Variants in TNFSF4 observed in about 807,000 individuals in gnomAD.
TNFSF4 encodes the protein tumor necrosis factor ligand superfamily member 4.
In TNFSF4, 4 loss-of-function variants were observed where a neutral mutation model predicts 7.3. That is an observed-to-expected ratio of 0.55 (90% CI 0.27 to 1.25). The LOEUF (loss-of-function observed/expected upper bound fraction) is 1.25. Ranked by LOEUF, TNFSF4 falls within the 50% of genes most tolerant of loss-of-function variation. The pLI is 0.12. For synonymous variants in TNFSF4, 76 were observed against 83.7 expected (o/e 0.91, Z 0.50); for missense variants, 181 against 208.8 (o/e 0.87, Z 0.82).
the TNFSF4 span, among the ~76,000 whole-genome samples, chr1:173,282,887 T>A: frequency 1.3e-5 from 2 of 152,220 alleles, no homozygotes; most frequent in Non-Finnish European, 2.9e-5. Flanking sequence ...TTATATGTTA[T>A]ATACAGAGAC....
At chr1:173,417,925 T>G in the TNFSF4 span, 1 of 60,420 alleles carries the variant, frequency 1.7e-5, no homozygotes, top group African/African-American at 5.0e-5. Context: ...AGGGAAGCAC[T>G]TTTTTTTTCT....
the TNFSF4 span, among the ~76,000 whole-genome samples, chr1:173,369,416 C>A: frequency 6.6e-6 from 1 of 152,158 alleles, no homozygotes; most frequent in Non-Finnish European, 1.5e-5. Flanking sequence ...TCGGTAAGGG[C>A]CACTGAATCT....
At chr1:173,312,807 C>T in the TNFSF4 span, among the ~76,000 whole-genome samples, 2 of 152,036 alleles carry the variant, frequency 1.3e-5, no homozygotes, top group Non-Finnish European at 2.9e-5. Flanking sequence ...CTCACAGGGC[C>T]CCCAACCAGC....
chr1:173,248,491 G>GGAAAGAAAGAAAGAAAGAAA, the TNFSF4 span, among the ~76,000 whole-genome samples: 61 of 136,184 alleles, frequency 4.5e-4, no homozygotes, highest in Admixed American at 6.1e-4. Context: ...AAGGAAGGAA[G>GGAAAGAAAGAAAGAAAGAAA]GAAAGAAAGA....
At chr1:173,416,598 A>ATT in the TNFSF4 span, among the ~76,000 whole-genome samples, 1 of 36,664 alleles carries the variant, frequency 2.7e-5, no homozygotes, top group African/African-American at 7.5e-5. Flanking sequence ...TATAAATGTT[A>ATT]TTTTTTTATT....
chr1:173,345,425 G>A, the TNFSF4 span, among the ~76,000 whole-genome samples: 499 of 152,304 alleles, frequency 3.3e-3, 1 homozygote, highest in African/African-American at 0.011. Context: ...CCTCAGTATA[G>A]ACAGACCTTG....
the TNFSF4 span, among the ~76,000 whole-genome samples, chr1:173,324,998 T>A: frequency 6.6e-6 from 1 of 152,154 alleles, no homozygotes. Context: ...TGAACTCAGC[T>A]CTGCACCAAG....
the TNFSF4 span, among the ~76,000 whole-genome samples, chr1:173,374,080 C>T: frequency 6.6e-6 from 1 of 152,198 alleles, no homozygotes; most frequent in African/African-American, 2.4e-5. Context: ...CCATGGCCTA[C>T]TCTCTTGCCC....
chr1:173,205,151 A>G (rs1179940004), intron 1 of TNFSF4, among the ~76,000 whole-genome samples: 1 of 152,340 alleles, frequency 6.6e-6, no homozygotes, highest in African/African-American at 2.4e-5. Context: ...AATTAACATC[A>G]AGTGAAGAAC....
the TNFSF4 span, among the ~76,000 whole-genome samples, chr1:173,428,057 T>C: frequency 1.3e-4 from 20 of 151,860 alleles, no homozygotes; most frequent in African/African-American, 4.1e-4. Flanking sequence ...AAGCGATTCC[T>C]GCCTCAGCCT....
chr1:173,207,190 G>A lies in TNFSF4; in HGVS notation c.-14C>T, dbSNP rs1650233092. On this transcript the variant is annotated 5_prime_UTR_variant, in exon 1 of 3. Transcript: ENST00000281834. ...GACCCTTTCCATCTTCACAATCTGG[G>A]TAGAGGGAAGATGAAGATATGGAAA... is the stretch of plus-strand genomic sequence containing the variant. 2 of 1,596,438 alleles carry A rather than the reference G, an allele frequency of 1.3e-6. No homozygotes were observed. The highest frequency in any genetic ancestry group is 1.3e-5 in the African/African-American group (1 of 74,558).
the TNFSF4 span, among the ~76,000 whole-genome samples, chr1:173,305,239 CT>C: frequency 6.6e-6 from 1 of 151,944 alleles, no homozygotes; most frequent in African/African-American, 2.4e-5. Context: ...TGGAAAAAAT[CT>C]TTCCTGTTAT....
At chr1:173,289,151 T>C in the TNFSF4 span, among the ~76,000 whole-genome samples, 3 of 152,084 alleles carry the variant, frequency 2.0e-5, no homozygotes, top group Admixed American at 6.6e-5. Flanking sequence ...AAGGAAACTA[T>C]GCATAGAAAA....
intron 1 of TNFSF4, among the ~76,000 whole-genome samples, chr1:173,204,908 CACACACACACACACAA>C (rs1650113278): frequency 7.5e-6 from 1 of 132,836 alleles, no homozygotes; most frequent in Non-Finnish European, 1.5e-5. Flanking sequence ...CAGAAACACA[CACACACACACACACAA>C]ACACACACAC....
the TNFSF4 span, among the ~76,000 whole-genome samples, chr1:173,436,170 G>A: frequency 6.6e-6 from 1 of 152,174 alleles, no homozygotes; most frequent in African/African-American, 2.4e-5. Context: ...AAGGATTCAA[G>A]TGCAGGCAGT....
At chr1:173,284,433 T>A in the TNFSF4 span, among the ~76,000 whole-genome samples, 1 of 152,184 alleles carries the variant, frequency 6.6e-6, no homozygotes, top group Non-Finnish European at 1.5e-5. Context: ...CAGCAAGTTA[T>A]CCAGAAGGTC....
At chr1:173,284,694 A>G in the TNFSF4 span, among the ~76,000 whole-genome samples, 3 of 152,090 alleles carry the variant, frequency 2.0e-5, no homozygotes, top group African/African-American at 7.2e-5. Context: ...GTAAAAATCT[A>G]CTCTCCATGT....
chr1:173,382,356 C>A, the TNFSF4 span, among the ~76,000 whole-genome samples: 2 of 152,182 alleles, frequency 1.3e-5, no homozygotes, highest in Non-Finnish European at 1.5e-5. Flanking sequence ...GACACACCAT[C>A]TTTAGGAACT....
chr1:173,403,210 C>T, the TNFSF4 span, among the ~76,000 whole-genome samples: 17 of 152,162 alleles, frequency 1.1e-4, no homozygotes, highest in Non-Finnish European at 2.4e-4. Context: ...GGTCCATGGA[C>T]CACACTTTGA....
Sources: allele counts gnomAD v4.1 joint callset (sites outside exome capture counted in the v4.1 genomes callset), GRCh38; gene constraint gnomAD v4.1.1; transcripts MANE v1.5; gene names NCBI Gene and HGNC (gene_info 2026-07-23, HGNC 2026-07-21).